Variants in PDE1A observed in about 807,000 individuals in gnomAD.
PDE1A encodes dual specificity calcium/calmodulin-dependent 3',5'-cyclic nucleotide phosphodiesterase 1A.
Under a neutral mutation model 61.7 loss-of-function variants are expected in PDE1A, and 35 were observed. That is an observed-to-expected ratio of 0.57 (90% CI 0.43 to 0.75). The LOEUF (loss-of-function observed/expected upper bound fraction) is 0.75, where lower values mean the gene tolerates loss of function less well. Among genes scored for constraint, PDE1A ranks in the 30% least tolerant of loss-of-function variants. PDE1A has a pLI of 0.00. For missense variants in PDE1A, 597 were observed against 630.6 expected (o/e 0.95, Z 0.57); for synonymous variants, 232 against 213.2 (o/e 1.09, Z -0.77).
At chr2:182,529,989 A>G in the PDE1A span, among the ~76,000 whole-genome samples, 10,361 of 152,316 alleles carry the variant, frequency 0.068, 381 homozygotes, top group Middle Eastern at 0.1. Context: ...AGTGTAAAAT[A>G]GATTGAATAC....
intron 10 of PDE1A, among the ~76,000 whole-genome samples, chr2:182,195,889 T>C (rs1170181554): frequency 6.6e-6 from 1 of 152,048 alleles, no homozygotes; most frequent in Non-Finnish European, 1.5e-5. Context: ...CTAGGACATA[T>C]GCATAGATAC....
chr2:182,604,817 T>C, the PDE1A span, among the ~76,000 whole-genome samples: 1 of 152,176 alleles, frequency 6.6e-6, no homozygotes, highest in Non-Finnish European at 1.5e-5. Context: ...TTTTAAGTGT[T>C]TCATGATTGT....
intron 1 of PDE1A, among the ~76,000 whole-genome samples, chr2:182,352,208 G>A (rs1438066): frequency 2.0e-5 from 3 of 152,296 alleles, no homozygotes; most frequent in Admixed American, 6.5e-5. Flanking sequence ...TACTGTTCAC[G>A]GTGTAAAATG....
At chr2:182,229,857 T>G in intron 6 of PDE1A, 149 bp downstream of exon 6, 1 of 482,454 alleles carries the variant, frequency 2.1e-6, no homozygotes, top group Non-Finnish European at 3.5e-6. Context: ...TTATAACACA[T>G]TAAGCTTCAA....
chr2:182,185,034 T>C (rs1685090095), intron 13 of PDE1A, among the ~76,000 whole-genome samples: 1 of 152,216 alleles, frequency 6.6e-6, no homozygotes, highest in African/African-American at 2.4e-5. Flanking sequence ...TTTCTGACTA[T>C]AAATATGATT....
intron 1 of PDE1A, among the ~76,000 whole-genome samples, chr2:182,285,142 C>G (rs1014251400): frequency 6.6e-6 from 1 of 152,148 alleles, no homozygotes; most frequent in Non-Finnish European, 1.5e-5. Flanking sequence ...CAAAGTGGCA[C>G]TGCAGCCACT....
At chr2:182,493,983 A>T (rs1159145906) in intron 2 of PDE1A, among the ~76,000 whole-genome samples, 1 of 152,226 alleles carries the variant, frequency 6.6e-6, no homozygotes, top group Non-Finnish European at 1.5e-5. Context: ...TGTTTGAAGA[A>T]ATTCCAGATC....
At chr2:182,561,346 G>C in the PDE1A span, among the ~76,000 whole-genome samples, 1 of 152,004 alleles carries the variant, frequency 6.6e-6, no homozygotes, top group African/African-American at 2.4e-5. Flanking sequence ...TCTCAGGTTT[G>C]TCAAAGATCA....
At chr2:182,413,773 G>C (rs1176173634) in intron 1 of PDE1A, among the ~76,000 whole-genome samples, 5 of 152,080 alleles carry the variant, frequency 3.3e-5, no homozygotes, top group African/African-American at 1.2e-4. Context: ...ATAAAGTTCT[G>C]GGAAATCCTC....
intron 1 of PDE1A, among the ~76,000 whole-genome samples, chr2:182,292,396 T>C: frequency 6.6e-6 from 1 of 152,148 alleles, no homozygotes; most frequent in Middle Eastern, 3.4e-3. Flanking sequence ...TTTCTCCATT[T>C]TTCATGTTTT....
the PDE1A span, among the ~76,000 whole-genome samples, chr2:182,592,111 C>A: frequency 2.6e-5 from 4 of 152,158 alleles, no homozygotes; most frequent in Non-Finnish European, 5.9e-5. Context: ...TCTCTAATTT[C>A]GATGCCAGCT....
intron 1 of PDE1A, among the ~76,000 whole-genome samples, chr2:182,371,436 T>G (rs1256856972): frequency 6.6e-6 from 1 of 152,174 alleles, no homozygotes; most frequent in Non-Finnish European, 1.5e-5. Flanking sequence ...TTAACAGGAC[T>G]TCAGGAGCTG....
At chr2:182,599,629 T>TA in the PDE1A span, among the ~76,000 whole-genome samples, 2 of 131,080 alleles carry the variant, frequency 1.5e-5, no homozygotes, top group Admixed American at 1.5e-4. Context: ...TTTAAACTGA[T>TA]AAAATTTTCA....
chr2:182,515,936 G>A (rs1489912902), intron 2 of PDE1A, among the ~76,000 whole-genome samples: 2 of 132,766 alleles, frequency 1.5e-5, no homozygotes, highest in African/African-American at 5.6e-5. Context: ...ACTAGGGATT[G>A]TGCGTGTGTG....
the PDE1A span, among the ~76,000 whole-genome samples, chr2:182,564,873 G>A: frequency 1.1e-4 from 16 of 151,944 alleles, no homozygotes; most frequent in Admixed American, 3.9e-4. Context: ...CATTCTTCAC[G>A]TAGTTCTCGA....
chr2:182,410,112 G>A (rs1299746721), intron 1 of PDE1A, among the ~76,000 whole-genome samples: 2 of 152,140 alleles, frequency 1.3e-5, no homozygotes, highest in East Asian at 3.9e-4. Context: ...AGCACTTTGG[G>A]AGGCTAAGGC....
chr2:182,661,931 T>C, the PDE1A span, among the ~76,000 whole-genome samples: 1 of 152,082 alleles, frequency 6.6e-6, no homozygotes, highest in African/African-American at 2.4e-5. Flanking sequence ...AAATTAATCT[T>C]TAAAACTGAT....
the PDE1A span, among the ~76,000 whole-genome samples, chr2:182,540,066 T>C: frequency 6.6e-6 from 1 of 152,060 alleles, no homozygotes; most frequent in African/African-American, 2.4e-5. Context: ...AATCATTTAT[T>C]GAAAGAAGTA....
chr2:182,324,971 A>G (rs1257830372), intron 1 of PDE1A, among the ~76,000 whole-genome samples: 3 of 152,218 alleles, frequency 2.0e-5, no homozygotes, highest in Non-Finnish European at 4.4e-5. Flanking sequence ...GAAAGGTTCA[A>G]TGATTTGCTC....
Sources: gnomAD v4.1 joint callset for allele counts (sites outside exome capture counted in the v4.1 genomes callset) on GRCh38, gnomAD v4.1.1 for gene constraint, MANE v1.5 for transcripts, NCBI Gene and HGNC (gene_info 2026-07-23, HGNC 2026-07-21) for gene names.